The following HIPK1 variants were observed in gnomAD, a reference collection of about 807,000 sequenced individuals.
HIPK1 encodes the protein homeodomain-interacting protein kinase 1.
Under a neutral mutation model 117.1 loss-of-function variants are expected in HIPK1, and 28 were observed. That is an observed-to-expected ratio of 0.24 (90% CI 0.18 to 0.33). The LOEUF is 0.33. Ranked by LOEUF, HIPK1 falls within the 10% of genes least tolerant of loss-of-function variation. The probability of loss-of-function intolerance (pLI) is 1.00; values close to 1 mark genes in which losing one functional copy is unlikely to be tolerated. For missense variants in HIPK1, 1,122 were observed against 1,475.1 expected (o/e 0.76, Z 3.92); for synonymous variants, 605 against 562.5 (o/e 1.08, Z -1.07).
intron 15 of HIPK1, 148 bp downstream of exon 15, chr1:113,972,102 G>T (rs1396858970): frequency 1.9e-6 from 3 of 1,586,980 alleles, no homozygotes; most frequent in Non-Finnish European, 2.6e-6. Flanking sequence ...ACGTCGTACC[G>T]CATATGCTGT....
At chr1:113,958,344 T>TA in intron 8 of HIPK1, 53 bp downstream of exon 8, 1 of 1,208,926 alleles carries the variant, frequency 8.3e-7, no homozygotes, top group South Asian at 1.3e-5. Flanking sequence ...CTACCTGCTT[T>TA]AGGCAGCTCT....
rs935676211 is a variant in HIPK1, at chr1:113,929,775, C to G, written c.-3+243C>G. On this transcript the variant is annotated intron_variant, in intron 1 of 15. Coordinates refer to ENST00000426820, the MANE Select transcript of HIPK1 (RefSeq NM_198268.3). ...AGCGGGAGGGAGGCTGAGGAGGCTCCCCCTGCGGGACGGGCGCGGGGACGG... is the reference window on the plus strand; with the variant it reads ...AGCGGGAGGGAGGCTGAGGAGGCTCGCCCTGCGGGACGGGCGCGGGGACGG... 3.5e-5 allele frequency: 32 copies of G among 927,316 alleles called. No individual in the cohort carries two copies. In the African/African-American group the frequency reaches 5.7e-4, roughly 17 times the overall value. 57.4% of individuals were successfully genotyped at this position (927,316 alleles called of 1,614,324 possible).
intron 2 of HIPK1, among the ~76,000 whole-genome samples, chr1:113,950,792 T>C (rs575394330): frequency 1.3e-5 from 2 of 152,326 alleles, no homozygotes; most frequent in Admixed American, 1.3e-4. Context: ...TGTGAGCCAC[T>C]GCGCTGGCCA....
In HIPK1 at chr1:113,967,847, T is replaced by A. The variant is rs755549332; in HGVS notation, c.2463T>A (p.Thr821=). The part of the protein sequence containing the change: ...SLLTNHVTLA[T]AQPLNVGVAH... ...TGACTAACCATGTGACATTGGCCAC[T>A]GCTCAGCCTCTGAATGTTGGTGTTG... Residue 821 remains threonine, a synonymous_variant, in exon 12 of 16, where the codon ACT becomes ACA. Coordinates refer to ENST00000426820, the MANE Select transcript of HIPK1 (RefSeq NM_198268.3). 8 of 1,612,908 alleles carry A rather than the reference T, an allele frequency of 5.0e-6. No homozygotes were observed. The highest frequency in any genetic ancestry group is 4.5e-5 in the East Asian group (2 of 44,790).
At chr1:113,972,486 C>T (rs576291278) in intron 15 of HIPK1, among the ~76,000 whole-genome samples, 2 of 152,322 alleles carry the variant, frequency 1.3e-5, no homozygotes, top group South Asian at 2.1e-4. Context: ...TTTGTGTTCA[C>T]TCTTAGAAGC....
Position 113,939,002 on chromosome 1 carries a change from A to T in HIPK1, c.-2-1380A>T, listed in dbSNP as rs570788934. Reference sequence around the variant, plus strand: ...TGGATAAGATAGAGATTAGATGTGGAGGAATAAGGGAGAGGAATGAGCCAG... The same window carrying T: ...TGGATAAGATAGAGATTAGATGTGGTGGAATAAGGGAGAGGAATGAGCCAG... On this transcript the variant is annotated intron_variant, in intron 1 of 15. Coordinates refer to ENST00000426820, the MANE Select transcript of HIPK1 (RefSeq NM_198268.3). Among the ~76,000 whole-genome samples the T allele has an allele frequency of 2.7e-5, 4 of 150,686 alleles. No individual in the cohort carries two copies. The Admixed American group carries it at 2.7e-4, about 10-fold the overall frequency.
At chr1:113,938,800 C>G (rs957364627) in intron 1 of HIPK1, among the ~76,000 whole-genome samples, 4 of 151,462 alleles carry the variant, frequency 2.6e-5, no homozygotes, top group Admixed American at 1.3e-4. Context: ...CTCTCAGCTA[C>G]TTGGGAGGCT....
chr1:113,957,181 T>C lies in HIPK1; in HGVS notation c.1650T>C (p.Asp550=). ...GCAAGCGGAGGGTTCACATGTATGA[T>C]ACAGTGAGTCAGATCAAGAGTCCCT... is the stretch of plus-strand genomic sequence containing the variant. ...EICKRRVHMY[D]TVSQIKSPFT... Residue 550 remains aspartate, a synonymous_variant, in exon 7 of 16, where the codon GAT becomes GAC. Transcript: ENST00000426820. The C allele has an allele frequency of 6.2e-7, 1 of 1,613,102 alleles. No individual in the cohort carries two copies. Among genetic ancestry groups the C allele is most frequent in the Middle Eastern group, 1.6e-4 (1 of 6,062 alleles).
chr1:113,956,982 T>G (rs1671768923), intron 6 of HIPK1, 142 bp from the exon 7 acceptor site: 2 of 885,708 alleles, frequency 2.3e-6, no homozygotes, highest in Non-Finnish European at 1.7e-6. Flanking sequence ...TGTATTTTTC[T>G]TCCCTATGAT....
intron 3 of HIPK1, among the ~76,000 whole-genome samples, chr1:113,954,264 A>G (rs1042238061): frequency 2.0e-5 from 3 of 152,162 alleles, no homozygotes; most frequent in African/African-American, 7.2e-5. Context: ...TGCCTGGCCT[A>G]TATTGTCAAA....
intron 4 of HIPK1, among the ~76,000 whole-genome samples, chr1:113,955,107 A>G (rs569281115): frequency 6.6e-6 from 1 of 152,288 alleles, no homozygotes; most frequent in Non-Finnish European, 1.5e-5. Flanking sequence ...AAAATCACAA[A>G]TTTTCTAACT....
At chr1:113,938,818 G>A (rs577657881) in intron 1 of HIPK1, among the ~76,000 whole-genome samples, 6 of 151,470 alleles carry the variant, frequency 4.0e-5, no homozygotes, top group African/African-American at 1.5e-4. Context: ...GCTGAGGCAG[G>A]AGAATTGCTT....
At chr1:113,937,175 A>G (rs960117014) in intron 1 of HIPK1, among the ~76,000 whole-genome samples, 1 of 152,176 alleles carries the variant, frequency 6.6e-6, no homozygotes, top group Non-Finnish European at 1.5e-5. Context: ...TTCAAAGTTT[A>G]TATAAATTAT....
At chr1:113,972,121 A>G (rs896194914) in intron 15 of HIPK1, 167 bp downstream of exon 15, 1 of 1,562,210 alleles carries the variant, frequency 6.4e-7, no homozygotes, top group South Asian at 1.2e-5. Flanking sequence ...GTGTCTCTTC[A>G]TTCACTCTGT....
At chr1:113,970,638 GC>G (rs1394850544) in intron 14 of HIPK1, among the ~76,000 whole-genome samples, 1 of 152,190 alleles carries the variant, frequency 6.6e-6, no homozygotes, top group East Asian at 1.9e-4. Flanking sequence ...TAGCAGTGAT[GC>G]TTTTGATGGT....
intron 1 of HIPK1, among the ~76,000 whole-genome samples, chr1:113,934,012 C>G (rs1217184928): frequency 6.6e-6 from 1 of 152,086 alleles, no homozygotes; most frequent in Non-Finnish European, 1.5e-5. Context: ...ACTTGTCTCA[C>G]TTTGTTTTTA....
intron 1 of HIPK1, chr1:113,933,109 CACTT>C (rs1167038208): frequency 3.5e-6 from 3 of 845,580 alleles, no homozygotes; most frequent in Non-Finnish European, 4.3e-6. Context: ...AAACACAAAG[CACTT>C]ACTTTTCTTT....
At chr1:113,965,972 T>C (rs891603476) in intron 10 of HIPK1, among the ~76,000 whole-genome samples, 158 bp from the exon 11 acceptor site, 1 of 152,198 alleles carries the variant, frequency 6.6e-6, no homozygotes, top group African/African-American at 2.4e-5. Context: ...ATAAGACTTG[T>C]AGCTTGAGCC....
In HIPK1 at chr1:113,970,319, C is replaced by A. The variant is rs1158517688; in HGVS notation, c.3013+122C>A. On this transcript the variant is annotated intron_variant, in intron 14 of 15. Transcript: ENST00000426820. ...GTGGTGTAGACATTCTTAAAGAGAC[C>A]TTAATTCAGAAATCAGTTCCCTGCA... 7.1e-6 allele frequency: 7 copies of A among 981,090 alleles called. 1 individual carries two copies. In the East Asian group the frequency reaches 1.7e-4, roughly 24 times the overall value. 60.8% of individuals were successfully genotyped at this position (981,090 alleles called of 1,614,324 possible). A position where few individuals can be genotyped will look rare whatever the true frequency, so the allele number is the denominator to read the frequency against.
Sources: allele counts gnomAD v4.1 joint callset (sites outside exome capture counted in the v4.1 genomes callset), GRCh38; gene constraint gnomAD v4.1.1; transcripts MANE v1.5; gene names NCBI Gene and HGNC (gene_info 2026-07-23, HGNC 2026-07-21).